Variants in RUFY4 observed in about 807,000 individuals in gnomAD.
RUFY4 encodes the protein RUN and FYVE domain-containing protein 4.
In RUFY4, 73 loss-of-function variants were observed where a neutral mutation model predicts 69.0. That is an observed-to-expected ratio of 1.06 (90% CI 0.88 to 1.29). RUFY4 has a LOEUF of 1.29. Ranked by LOEUF, RUFY4 falls within the 50% of genes most tolerant of loss-of-function variation. The probability of loss-of-function intolerance (pLI) is 0.00; values close to 1 mark genes in which losing one functional copy is unlikely to be tolerated. For missense variants in RUFY4, 770 were observed against 705.6 expected, an observed-to-expected ratio of 1.09 and a Z score of -1.03; for synonymous variants, 287 against 271.8, an observed-to-expected ratio of 1.06 and a Z score of -0.55.
intron 2 of RUFY4, among the ~76,000 whole-genome samples, chr2:218,039,679 G>A (rs149244256): frequency 6.6e-6 from 1 of 152,146 alleles, no homozygotes; most frequent in South Asian, 2.1e-4. Flanking sequence ...TACTGAGATG[G>A]GGGGAGCAGT....
chr2:218,070,342 G>T, upstream of RUFY4: 1 of 537,670 alleles, frequency 1.9e-6, no homozygotes, highest in Non-Finnish European at 3.4e-6. Context: ...ATGGGACAAG[G>T]ACATCAAGTG....
chr2:218,083,111 T>A (rs1248723996), exon 9 of RUFY4: 2 of 1,612,412 alleles, frequency 1.2e-6, no homozygotes, highest in Non-Finnish European at 1.7e-6. Context: ...TGTACCCAGG[T>A]GTCAGGAAGA....
At position 218,060,753 on chromosome 2, in the gene RUFY4, G is replaced by A. The variant is rs565950335; in HGVS notation, c.-1071+2072G>A. The A allele has an allele frequency of 1.0e-4, 151 of 1,501,442 alleles. 2 individuals carry two copies. The South Asian group carries it at 1.5e-3, about 15-fold the overall frequency. 93.0% of individuals were successfully genotyped at this position (1,501,442 alleles called of 1,614,324 possible). On this transcript the variant is annotated intron_variant and NMD_transcript_variant, in intron 3 of 13. Coordinates refer to the RUFY4 transcript ENST00000457754. ...TGTAGCAGAACAGCATGATCGCAGCGGCACGATGAAGCCAAAGGACTGGGG... is the reference window on the plus strand; with the variant it reads ...TGTAGCAGAACAGCATGATCGCAGCAGCACGATGAAGCCAAAGGACTGGGG...
At chr2:218,060,583 T>G in intron 3 of RUFY4, 10 of 1,332,158 alleles carry the variant, frequency 7.5e-6, no homozygotes, top group Non-Finnish European at 1.1e-5. Flanking sequence ...ATTGGTCATC[T>G]GGGTTCCCAT....
exon 3 of RUFY4, chr2:218,058,638 G>A (rs2106035998): frequency 6.6e-6 from 1 of 152,368 alleles, no homozygotes; most frequent in Non-Finnish European, 1.5e-5. Flanking sequence ...AGATCTGGAA[G>A]CGGGAATTGG....
chr2:218,070,493 T>C (rs1274571780), upstream of RUFY4: 7 of 919,826 alleles, frequency 7.6e-6, no homozygotes, highest in South Asian at 1.4e-5. Context: ...TCACTTTCCC[T>C]CTGTAGGCTC....
chr2:218,088,959 C>T (rs981804852), intron 9 of RUFY4, among the ~76,000 whole-genome samples: 1 of 149,802 alleles, frequency 6.7e-6, no homozygotes, highest in African/African-American at 2.5e-5. Context: ...CTTTCCCCTT[C>T]TCTCCACCCC....
intron 2 of RUFY4, 128 bp from the exon 5 acceptor site, chr2:218,072,246 G>A: frequency 8.8e-7 from 1 of 1,134,472 alleles, no homozygotes; most frequent in Non-Finnish European, 1.2e-6. Flanking sequence ...GGACAGGGCT[G>A]GGTCTGGATG....
chr2:218,036,868 G>A lies in RUFY4; in HGVS notation c.-1158+1474G>A, dbSNP rs143791037. ...GAAACTCTGTGTGGCACGCACATCA[G>A]GCATGAAGGTTTTCCCTTGAAATGT... On this transcript the variant is annotated intron_variant and NMD_transcript_variant, in intron 2 of 13. Transcript: ENST00000457754. Among the ~76,000 whole-genome samples, 1,448 of 152,358 alleles carry A rather than the reference G, an allele frequency of 9.5e-3. 11 individuals are homozygous for A. Among genetic ancestry groups the A allele is most frequent in the Non-Finnish European group, 0.014 (951 of 68,040 alleles).
intron 2 of RUFY4, among the ~76,000 whole-genome samples, chr2:218,041,904 G>T (rs999260562): frequency 3.3e-5 from 5 of 152,190 alleles, no homozygotes; most frequent in Non-Finnish European, 5.9e-5. Context: ...GTATGAGCAA[G>T]CAGTATAGCG....
intron 2 of RUFY4, among the ~76,000 whole-genome samples, chr2:218,039,494 A>C (rs1209825753): frequency 6.6e-6 from 1 of 152,236 alleles, no homozygotes; most frequent in Admixed American, 6.5e-5. Context: ...GATGAATGGA[A>C]GAGGATTCTT....
chr2:218,057,631 C>T (rs1689092450), intron 2 of RUFY4, among the ~76,000 whole-genome samples: 1 of 152,182 alleles, frequency 6.6e-6, no homozygotes, highest in African/African-American at 2.4e-5. Context: ...GTAAAACCAT[C>T]GCCACAGGTT....
At chr2:218,054,389 T>C (rs1689012708) in intron 2 of RUFY4, among the ~76,000 whole-genome samples, 1 of 152,024 alleles carries the variant, frequency 6.6e-6, no homozygotes, top group African/African-American at 2.4e-5. Flanking sequence ...ACCCCAACTC[T>C]ACTGAAAATA....
At chr2:218,041,093 T>C (rs1688688195) in intron 2 of RUFY4, among the ~76,000 whole-genome samples, 1 of 152,060 alleles carries the variant, frequency 6.6e-6, no homozygotes, top group South Asian at 2.1e-4. Context: ...CTGGAATTGA[T>C]GATAGGATGT....
intron 8 of RUFY4, among the ~76,000 whole-genome samples, chr2:218,081,436 T>G (rs1689757445): frequency 6.6e-6 from 1 of 152,244 alleles, no homozygotes; most frequent in Non-Finnish European, 1.5e-5. Context: ...GGTCTCTGTC[T>G]TAGCCTCTCG....
intron 8 of RUFY4, among the ~76,000 whole-genome samples, chr2:218,081,915 C>T (rs1260659631): frequency 6.6e-6 from 1 of 152,186 alleles, no homozygotes; most frequent in Non-Finnish European, 1.5e-5. Context: ...AATTCATTGT[C>T]AAGCCTCTTG....
At chr2:218,073,122 G>T in intron 4 of RUFY4, 121 bp from the exon 7 acceptor site, 1 of 1,302,318 alleles carries the variant, frequency 7.7e-7, no homozygotes. Context: ...CTGGGGAACA[G>T]CCTCATGACG....
intron 6 of RUFY4, 48 bp from the exon 9 acceptor site, chr2:218,075,045 A>G: frequency 6.8e-7 from 1 of 1,468,108 alleles, no homozygotes; most frequent in South Asian, 1.4e-5. Context: ...GCACCAGGTC[A>G]GTGAATTGGT....
chr2:218,034,944 A>C (rs1236852863), upstream of RUFY4: 5 of 152,534 alleles, frequency 3.3e-5, no homozygotes, highest in African/African-American at 1.2e-4. Context: ...GAAAAGCAAG[A>C]GCAGGTGCTG....
Sources: allele counts gnomAD v4.1 joint callset (sites outside exome capture counted in the v4.1 genomes callset), GRCh38; gene constraint gnomAD v4.1.1; transcripts MANE v1.5; gene names NCBI Gene and HGNC (gene_info 2026-07-23, HGNC 2026-07-21).